Variants in FAM110B observed in about 807,000 individuals in gnomAD.
FAM110B encodes family with sequence similarity 110 member B, also known as protein FAM110B.
A neutral mutation model predicts 20.4 loss-of-function variants in FAM110B; 6 were observed. The ratio of observed to expected loss-of-function variants is 0.29; its 90% CI spans 0.16 to 0.58. FAM110B has a LOEUF of 0.58. Among genes scored for constraint, FAM110B ranks in the 20% least tolerant of loss-of-function variants. FAM110B has a pLI of 0.90. For synonymous variants in FAM110B, 226 were observed against 214.1 expected (o/e 1.06, Z -0.49); for missense variants, 434 against 498.2 (o/e 0.87, Z 1.23).
intron 2 of FAM110B, among the ~76,000 whole-genome samples, chr8:58,052,706 A>T (rs1805471479): frequency 6.8e-6 from 1 of 148,044 alleles, no homozygotes; most frequent in East Asian, 2.1e-4. Context: ...TGGTAGGCAG[A>T]GTTCTAAGAT....
At chr8:58,012,582 G>A (rs1039512303) in intron 1 of FAM110B, among the ~76,000 whole-genome samples, 1 of 152,180 alleles carries the variant, frequency 6.6e-6, no homozygotes, top group African/African-American at 2.4e-5. Context: ...AAACCTCCAA[G>A]GGGATTTGGT....
intron 2 of FAM110B, among the ~76,000 whole-genome samples, chr8:58,033,738 G>A (rs909625411): frequency 2.6e-5 from 4 of 152,074 alleles, no homozygotes; most frequent in Non-Finnish European, 2.9e-5. Context: ...CAGTCAGAAT[G>A]GCTATTATTA....
At chr8:58,116,102 A>G (rs1366339966) in intron 3 of FAM110B, among the ~76,000 whole-genome samples, 6 of 152,338 alleles carry the variant, frequency 3.9e-5, no homozygotes, top group African/African-American at 7.2e-5. Flanking sequence ...GTACATACAT[A>G]CATGCATGCA....
intron 2 of FAM110B, among the ~76,000 whole-genome samples, chr8:58,058,361 C>T (rs1421394462): frequency 6.7e-6 from 1 of 149,280 alleles, no homozygotes; most frequent in Non-Finnish European, 1.5e-5. Flanking sequence ...ATTGTGAATA[C>T]CACAGTCATA....
At chr8:58,007,240 C>T (rs1018637497) in intron 1 of FAM110B, among the ~76,000 whole-genome samples, 4 of 152,130 alleles carry the variant, frequency 2.6e-5, no homozygotes, top group African/African-American at 9.7e-5. Context: ...CTCACAGGTG[C>T]TCTGTCCTCA....
intron 3 of FAM110B, among the ~76,000 whole-genome samples, chr8:58,144,005 C>G (rs1051149248): frequency 1.3e-5 from 2 of 152,194 alleles, no homozygotes; most frequent in Admixed American, 1.3e-4. Context: ...TCCTCAGAAC[C>G]TCACGATTTT....
At chr8:58,039,120 G>A (rs1046278433) in intron 2 of FAM110B, among the ~76,000 whole-genome samples, 13 of 152,208 alleles carry the variant, frequency 8.5e-5, no homozygotes, top group East Asian at 1.9e-4. Flanking sequence ...TCAGCCTGAC[G>A]GCATTTCTCT....
At chr8:58,009,423 C>G (rs970364929) in intron 1 of FAM110B, among the ~76,000 whole-genome samples, 7 of 152,172 alleles carry the variant, frequency 4.6e-5, no homozygotes, top group African/African-American at 9.7e-5. Context: ...CTGCCCAGCA[C>G]TGGAAATGTG....
At chr8:58,049,344 ACTAT>A (rs1805393858) in intron 2 of FAM110B, among the ~76,000 whole-genome samples, 1 of 152,050 alleles carries the variant, frequency 6.6e-6, no homozygotes, top group Non-Finnish European at 1.5e-5. Flanking sequence ...AAAACTGTCA[ACTAT>A]CTTTCATATT....
chr8:57,997,635 C>T (rs1804212481), intron 1 of FAM110B, among the ~76,000 whole-genome samples: 1 of 152,200 alleles, frequency 6.6e-6, no homozygotes, highest in Admixed American at 6.5e-5. Flanking sequence ...TCTTCTGGCT[C>T]CTGGTATGAT....
At chr8:58,039,359 C>T (rs534314141) in intron 2 of FAM110B, among the ~76,000 whole-genome samples, 205 of 152,280 alleles carry the variant, frequency 1.3e-3, no homozygotes, top group African/African-American at 4.7e-3. Context: ...GCTGGTTGGC[C>T]GAGGCAGGCG....
intron 2 of FAM110B, among the ~76,000 whole-genome samples, chr8:58,034,125 T>C (rs574833429): frequency 2.9e-4 from 44 of 152,322 alleles, no homozygotes; most frequent in African/African-American, 9.6e-4. Flanking sequence ...AGGGACACAG[T>C]GGGCTGCGGT....
At chr8:58,043,588 T>C (rs1216011416) in intron 2 of FAM110B, among the ~76,000 whole-genome samples, 1 of 152,224 alleles carries the variant, frequency 6.6e-6, no homozygotes, top group Non-Finnish European at 1.5e-5. Flanking sequence ...AGTCGTCATT[T>C]ACATTAGGTA....
At chr8:58,143,883 T>G (rs138836722) in intron 3 of FAM110B, among the ~76,000 whole-genome samples, 1 of 152,344 alleles carries the variant, frequency 6.6e-6, no homozygotes, top group East Asian at 1.9e-4. Flanking sequence ...CAACTCATCT[T>G]CAGAGAGCGT....
intron 2 of FAM110B, among the ~76,000 whole-genome samples, chr8:58,047,472 A>G (rs140199460): frequency 6.6e-6 from 1 of 152,194 alleles, no homozygotes; most frequent in East Asian, 1.9e-4. Flanking sequence ...AGTAGAAGGC[A>G]CCATCACAGT....
At chr8:58,040,961 G>A (rs1325144923) in intron 2 of FAM110B, among the ~76,000 whole-genome samples, 5 of 100,942 alleles carry the variant, frequency 5.0e-5, no homozygotes, top group African/African-American at 1.5e-4. Context: ...TTTTTTTTGA[G>A]ACAGAGTTTC....
intron 1 of FAM110B, among the ~76,000 whole-genome samples, chr8:58,019,383 G>T (rs1172606218): frequency 4.2e-5 from 5 of 118,108 alleles, no homozygotes; most frequent in African/African-American, 1.6e-4. Context: ...AGAAAGAAAA[G>T]AAAAGAAAGA....
chr8:58,074,762 G>A (rs1477247513), intron 2 of FAM110B, among the ~76,000 whole-genome samples: 2 of 152,126 alleles, frequency 1.3e-5, no homozygotes, highest in Non-Finnish European at 2.9e-5. Context: ...CCAGCCAGCC[G>A]GAGTGGTGCT....
At chr8:58,118,590 C>G (rs777049567) in intron 3 of FAM110B, among the ~76,000 whole-genome samples, 1 of 152,194 alleles carries the variant, frequency 6.6e-6, no homozygotes, top group Non-Finnish European at 1.5e-5. Context: ...GCTGCTGCTG[C>G]TTCCAAAGTG....
Sources: gnomAD v4.1 joint callset for allele counts (sites outside exome capture counted in the v4.1 genomes callset) on GRCh38, gnomAD v4.1.1 for gene constraint, MANE v1.5 for transcripts, NCBI Gene and HGNC (gene_info 2026-07-23, HGNC 2026-07-21) for gene names.